The following ZFR variants were observed in gnomAD, a reference collection of about 807,000 sequenced individuals.
ZFR encodes zinc finger RNA-binding protein.
In ZFR, 19 loss-of-function variants were observed where a neutral mutation model predicts 130.7. That is an observed-to-expected ratio of 0.15 (90% CI 0.10 to 0.21). The LOEUF (loss-of-function observed/expected upper bound fraction) is 0.21, where lower values mean the gene tolerates loss of function less well. ZFR is among the 10% of genes least tolerant of loss of function. The pLI is 1.00. For synonymous variants in ZFR, 466 were observed against 456.9 expected (o/e 1.02, Z -0.25); for missense variants, 872 against 1,321.5 (o/e 0.66, Z 5.27).
rs980486859 is a variant in ZFR, at chr5:32,355,947, A to G, written c.3046-8T>C. 1.9e-6 allele frequency: 3 copies of G among 1,576,006 alleles called. No individual in the cohort carries two copies. The highest frequency in any genetic ancestry group is 2.0e-5 in the Admixed American group (1 of 50,708). The stretch of plus-strand genomic sequence containing the variant: ...AAGGAGTCTCAATGCAAACTGCAAC[A>G]AAGAGAGTCAGAATTTTGAGTTAAT... On this transcript the variant is annotated splice_polypyrimidine_tract_variant and splice_region_variant and intron_variant, in intron 19 of 19. Coordinates refer to ENST00000265069, the MANE Select transcript of ZFR (RefSeq NM_016107.5).
At chr5:32,387,199 C>T (rs962815638) in intron 14 of ZFR, among the ~76,000 whole-genome samples, 1 of 151,870 alleles carries the variant, frequency 6.6e-6, no homozygotes, top group Non-Finnish European at 1.5e-5. Flanking sequence ...AAAATTTAAC[C>T]TTGCTACACA....
intron 17 of ZFR, among the ~76,000 whole-genome samples, chr5:32,370,645 G>A (rs1752651284): frequency 6.6e-6 from 1 of 152,068 alleles, no homozygotes; most frequent in Non-Finnish European, 1.5e-5. Flanking sequence ...CTAAAGTGCT[G>A]GGATTACAGG....
Position 32,387,476 on chromosome 5 carries a change from G to C in ZFR, c.2499+73C>G, listed in dbSNP as rs998033585. The C allele has an allele frequency of 3.0e-5, 47 of 1,551,960 alleles. No individual in the cohort carries two copies. The African/African-American group carries it at 6.2e-4, about 21-fold the overall frequency. ...TTAAAGGCTGGCTTAGGTTTAAACC[G>C]AAGCACAGTCAGTCCCGCCAAAAAC... On this transcript the variant is annotated intron_variant, in intron 14 of 19. Transcript: ENST00000265069.
chr5:32,404,153 A>C, intron 6 of ZFR, 56 bp from the exon 7 acceptor site: 1 of 1,450,656 alleles, frequency 6.9e-7, no homozygotes, highest in Non-Finnish European at 9.3e-7. Context: ...ACACATTAAG[A>C]TTATTCAATT....
chr5:32,411,454 C>T lies in ZFR; in HGVS notation c.784+3515G>A, dbSNP rs143984289. 7.9e-3 allele frequency among the ~76,000 whole-genome samples: 1,196 copies of T among 151,928 alleles called. 15 individuals carry two copies. The highest frequency in any genetic ancestry group is 0.027 in the African/African-American group (1,111 of 41,392). Reference sequence around the variant, plus strand: ...CTGTAATCTCAGCACTTGGAGAGGCCGAGGTAGGTGGGTAACCTGAAGTCA... The same window carrying T: ...CTGTAATCTCAGCACTTGGAGAGGCTGAGGTAGGTGGGTAACCTGAAGTCA... On this transcript the variant is annotated intron_variant, in intron 5 of 19. Coordinates refer to ENST00000265069, the MANE Select transcript of ZFR (RefSeq NM_016107.5).
At chr5:32,431,315 CAGG>C (rs1313529654) in intron 2 of ZFR, among the ~76,000 whole-genome samples, 3 of 152,108 alleles carry the variant, frequency 2.0e-5, no homozygotes, top group African/African-American at 7.2e-5. Context: ...AACACAAAAT[CAGG>C]AGGACTGATC....
intron 2 of ZFR, among the ~76,000 whole-genome samples, chr5:32,438,403 A>G (rs1236824410): frequency 2.0e-5 from 3 of 151,656 alleles, no homozygotes; most frequent in Non-Finnish European, 4.4e-5. Flanking sequence ...AGCTGGGATT[A>G]CAGGCATGCA....
chr5:32,439,443 C>T (rs565769968), intron 2 of ZFR, among the ~76,000 whole-genome samples: 9 of 152,252 alleles, frequency 5.9e-5, no homozygotes, highest in African/African-American at 2.2e-4. Flanking sequence ...AACTCATTAG[C>T]TTATCAGCCT....
intron 17 of ZFR, among the ~76,000 whole-genome samples, chr5:32,371,978 C>T (rs1033707771): frequency 2.6e-5 from 4 of 151,916 alleles, no homozygotes; most frequent in Non-Finnish European, 4.4e-5. Flanking sequence ...GTTCAGGAAA[C>T]AAATGGAGCA....
At chr5:32,434,277 G>A (rs758481389) in intron 2 of ZFR, among the ~76,000 whole-genome samples, 3 of 152,186 alleles carry the variant, frequency 2.0e-5, no homozygotes, top group Non-Finnish European at 4.4e-5. Context: ...GACATTATCA[G>A]CTGAAGACTT....
chr5:32,415,521 C>CGT (rs1346248515), intron 4 of ZFR, among the ~76,000 whole-genome samples: 116 of 71,712 alleles, frequency 1.6e-3, no homozygotes, highest in African/African-American at 5.8e-3. Context: ...TGTGTGCGCG[C>CGT]GCGCGCGCGC....
chr5:32,369,650 T>TA (rs113408258), intron 17 of ZFR, among the ~76,000 whole-genome samples: 48 of 146,570 alleles, frequency 3.3e-4, no homozygotes, highest in Non-Finnish European at 4.7e-4. Flanking sequence ...TACAAAAAAT[T>TA]AAAAAAAAAA....
At chr5:32,440,811 C>T (rs1212188451) in intron 2 of ZFR, among the ~76,000 whole-genome samples, 2 of 152,150 alleles carry the variant, frequency 1.3e-5, no homozygotes, top group African/African-American at 4.8e-5. Flanking sequence ...AGTAGCCATA[C>T]TTGACAAATT....
chr5:32,380,850 A>G (rs1171051354), intron 15 of ZFR, among the ~76,000 whole-genome samples: 1 of 151,580 alleles, frequency 6.6e-6, no homozygotes, highest in African/African-American at 2.4e-5. Flanking sequence ...AAGTTTCACC[A>G]TGTTGGCCAG....
chr5:32,390,388 G>C lies in ZFR; in HGVS notation c.2029C>G (p.His677Asp). ...YWRRMEEEQHHWDDRRRMPDG... is the reference protein window; with the variant it reads ...YWRRMEEEQHDWDDRRRMPDG... ...GGCATTCGGCGGCGATCATCCCAAT[G>C]ATGTTGTTCTTCCTCCATTCTCCTC... Residue 677 changes from histidine to aspartate, a missense_variant, in exon 12 of 20, where the codon CAT becomes GAT. His to Asp is a moderately conservative substitution (Grantham distance 81). Around this residue, in one of 7 missense-constraint regions of ZFR, gnomAD observed 225 missense variants for 282.4 expected, o/e 0.80. Coordinates refer to ENST00000265069, the MANE Select transcript of ZFR (RefSeq NM_016107.5). 1 of 1,614,102 alleles carries C rather than the reference G, an allele frequency of 6.2e-7. No homozygotes were observed. Among genetic ancestry groups the C allele is most frequent in the Non-Finnish European group, 8.5e-7 (1 of 1,180,008 alleles).
intron 5 of ZFR, among the ~76,000 whole-genome samples, 184 bp downstream of exon 5, chr5:32,414,785 T>A (rs1753782392): frequency 6.6e-6 from 1 of 152,050 alleles, no homozygotes; most frequent in African/African-American, 2.4e-5. Context: ...GATCTTCTCC[T>A]CCCCACGCCC....
At chr5:32,428,831 C>G (rs187291476) in intron 2 of ZFR, among the ~76,000 whole-genome samples, 1 of 152,292 alleles carries the variant, frequency 6.6e-6, no homozygotes, top group African/African-American at 2.4e-5. Context: ...GCTCCAATCT[C>G]TCAGCTTACA....
At chr5:32,394,973 A>T (rs1462645591) in intron 11 of ZFR, among the ~76,000 whole-genome samples, 186 bp downstream of exon 11, 1 of 152,212 alleles carries the variant, frequency 6.6e-6, no homozygotes, top group Non-Finnish European at 1.5e-5. Context: ...AGGCCACAGT[A>T]AAATATTAGT....
At position 32,415,238 on chromosome 5, in the gene ZFR, T is replaced by C. The variant is rs370961930; in HGVS notation, c.566-51A>G. On this transcript the variant is annotated intron_variant, in intron 4 of 19. Coordinates refer to ENST00000265069, the MANE Select transcript of ZFR (RefSeq NM_016107.5). ...AATTAGAAGAGTAAGCCACTATAGT[T>C]ACTGTACCAGTATCCTTAAAAAGCT... 7.5e-6 allele frequency: 11 copies of C among 1,466,560 alleles called. 1 individual carries two copies. Among genetic ancestry groups the C allele is most frequent in the South Asian group, 5.8e-5 (5 of 85,548 alleles). The allele number at this position is 1,466,560 out of a possible 1,614,324, so 90.8% of individuals were successfully genotyped here.
Sources: allele counts gnomAD v4.1 joint callset (sites outside exome capture counted in the v4.1 genomes callset), GRCh38; gene constraint gnomAD v4.1.1; regional missense constraint gnomAD v4.1.1; transcripts MANE v1.5; gene names NCBI Gene and HGNC (gene_info 2026-07-23, HGNC 2026-07-21).